Variants in ENTPD5 observed in about 807,000 individuals in gnomAD.
ENTPD5 encodes ectonucleoside triphosphate diphosphohydrolase 5 (inactive), also known as nucleoside diphosphate phosphatase ENTPD5.
ENTPD5 carries 49 observed loss-of-function variants against 60.2 expected under a neutral mutation model. The ratio of observed to expected loss-of-function variants is 0.81; its 90% CI spans 0.65 to 1.03. ENTPD5 has a LOEUF of 1.03. Among genes scored for constraint, ENTPD5 ranks in the 50% least tolerant of loss-of-function variants. ENTPD5 has a pLI of 0.00. For synonymous variants in ENTPD5, 187 were observed against 185.4 expected (o/e 1.01, Z -0.07); for missense variants, 480 against 507.6 (o/e 0.95, Z 0.52).
rs8023037 is a variant in ENTPD5 at position 74,012,266 on chromosome 14, G to A, written c.-130-1116C>T. Among the ~76,000 whole-genome samples, 349 of 148,334 alleles carry A rather than the reference G, an allele frequency of 2.4e-3. 2 individuals carry two copies. Among genetic ancestry groups the A allele is most frequent in the African/African-American group, 8.1e-3 (325 of 40,262 alleles). On this transcript the variant is annotated intron_variant, in intron 2 of 15. Coordinates refer to ENST00000334696, the MANE Select transcript of ENTPD5 (RefSeq NM_001249.5). ...ATTACACGTGCCCACCACCATCCCC[G>A]GCTAATTTTTTATTTTTAGTAGAGA...
chr14:74,008,428 G>A (rs1470709072), intron 3 of ENTPD5, among the ~76,000 whole-genome samples: 3 of 143,390 alleles, frequency 2.1e-5, no homozygotes, highest in African/African-American at 2.6e-5. Flanking sequence ...TCGCTCTGTC[G>A]CCCAGGCTGG....
intron 1 of ENTPD5, among the ~76,000 whole-genome samples, chr14:74,017,112 A>T (rs1385481404): frequency 6.6e-6 from 1 of 152,220 alleles, no homozygotes; most frequent in Admixed American, 6.5e-5. Flanking sequence ...TGAGGTTGGA[A>T]GTTCGAGACT....
At chr14:73,990,522 T>A (rs2058088774) in intron 3 of ENTPD5, among the ~76,000 whole-genome samples, 1 of 151,712 alleles carries the variant, frequency 6.6e-6, no homozygotes, top group Non-Finnish European at 1.5e-5. Context: ...TTGGTAGAGA[T>A]GGGGTTCTGC....
chr14:73,961,722 TC>T, downstream of ENTPD5: 1 of 1,614,076 alleles, frequency 6.2e-7, no homozygotes, highest in Non-Finnish European at 8.5e-7. Context: ...ATTTAATCTT[TC>T]CTCTGCCCTT....
chr14:73,970,375 C>T (rs907939722), intron 14 of ENTPD5, among the ~76,000 whole-genome samples: 1 of 152,002 alleles, frequency 6.6e-6, no homozygotes, highest in South Asian at 2.1e-4. Context: ...CGCTGTAATC[C>T]CAGCTACTCG....
Position 73,976,414 on chromosome 14 carries a change from T to C in ENTPD5, c.554-2A>G. On this transcript the variant is annotated splice_acceptor_variant, in intron 8 of 15. Coordinates refer to ENST00000334696, the MANE Select transcript of ENTPD5 (RefSeq NM_001249.5). LOFTEE classifies it high-confidence loss of function. ...CCTGTCTGTGGCCATGCAGCTGACCTGTCAAATGAGAGCCAGCTCTAAATA... is the reference window on the plus strand; with the variant it reads ...CCTGTCTGTGGCCATGCAGCTGACCCGTCAAATGAGAGCCAGCTCTAAATA... 1 of 1,613,682 alleles carries C rather than the reference T, an allele frequency of 6.2e-7. No homozygotes were observed. Among genetic ancestry groups the C allele is most frequent in the Non-Finnish European group, 8.5e-7 (1 of 1,179,596 alleles).
At chr14:73,986,087 A>AG (rs2057893823) in intron 5 of ENTPD5, 1 of 150,362 alleles carries the variant, frequency 6.7e-6, no homozygotes, top group Admixed American at 6.6e-5. Flanking sequence ...AAAAAAAAAA[A>AG]GAAAAAGAAG....
intron 4 of ENTPD5, among the ~76,000 whole-genome samples, chr14:73,987,399 G>A (rs2057946673): frequency 6.6e-6 from 1 of 152,148 alleles, no homozygotes; most frequent in African/African-American, 2.4e-5. Context: ...TAAACCATGT[G>A]TTCTGGCCAA....
At chr14:73,955,532 T>A, downstream of ENTPD5, 1 of 1,609,370 alleles carries the variant, frequency 6.2e-7, no homozygotes, top group Non-Finnish European at 8.5e-7. Context: ...CTTTTCAATT[T>A]TGTCAAGATG....
chr14:73,955,522 CT>C, downstream of ENTPD5: 1 of 1,613,112 alleles, frequency 6.2e-7, no homozygotes, highest in Non-Finnish European at 8.5e-7. Flanking sequence ...GCCCCTTTAT[CT>C]TTTCAATTTT....
At chr14:73,976,273 T>C (rs767338010) in intron 9 of ENTPD5, 51 bp downstream of exon 9, 2 of 1,515,142 alleles carry the variant, frequency 1.3e-6, no homozygotes, top group Non-Finnish European at 1.8e-6. Flanking sequence ...CTTGGCACCA[T>C]GATACGCCTG....
chr14:74,004,042 C>G (rs1257637768), intron 3 of ENTPD5, among the ~76,000 whole-genome samples: 1 of 152,116 alleles, frequency 6.6e-6, no homozygotes, highest in Non-Finnish European at 1.5e-5. Context: ...GAGTTCGAAG[C>G]TGCAGTGAGC....
Position 73,963,583 on chromosome 14 carries a change from C to T in ENTPD5, c.*3345G>A, listed in dbSNP as rs146784065. 379 of 156,170 alleles carry T rather than the reference C, an allele frequency of 2.4e-3. 1 individual carries two copies. The highest frequency in any genetic ancestry group is 6.6e-3 in the Admixed American group (104 of 15,642). 9.7% of individuals were successfully genotyped at this position (156,170 alleles called of 1,614,324 possible). On this transcript the variant is annotated 3_prime_UTR_variant, in exon 16 of 16. Transcript: ENST00000334696. ...TGGTTCCTCTCTGGGACACCACTGT[C>T]GGTTTAATAAAACAATAAATAATTC...
In ENTPD5 at chr14:73,983,698, T is replaced by G. The variant is rs1047448085; in HGVS notation, c.298-537A>C. On this transcript the variant is annotated intron_variant, in intron 5 of 15. Transcript: ENST00000334696. ...AAAATTATTATTATTATTATTATTT[T>G]TTTTGGGACATTCTTGCTCTGTCAC... Among the ~76,000 whole-genome samples, 15 of 131,874 alleles carry G rather than the reference T, an allele frequency of 1.1e-4. 1 individual carries two copies. The highest frequency in any genetic ancestry group is 1.1e-3 in the Admixed American group (15 of 13,978). 86.5% of individuals were successfully genotyped at this position (131,874 alleles called of 152,430 possible).
At chr14:73,984,747 G>A (rs1375846075) in intron 5 of ENTPD5, among the ~76,000 whole-genome samples, 1 of 150,740 alleles carries the variant, frequency 6.6e-6, no homozygotes, top group Non-Finnish European at 1.5e-5. Context: ...CCCTGACCCT[G>A]GTATTTTTTT....
At chr14:73,986,489 C>T (rs1167851972) in intron 5 of ENTPD5, 1 of 249,380 alleles carries the variant, frequency 4.0e-6, no homozygotes, top group Admixed American at 4.9e-5. Context: ...TACAGAACTT[C>T]ATGTTTATCT....
chr14:73,962,823 G>A (rs1466044781), downstream of ENTPD5: 15 of 672,164 alleles, frequency 2.2e-5, no homozygotes, highest in Non-Finnish European at 3.2e-5. Flanking sequence ...TCTCTAAAAC[G>A]TGTGTATATG....
At chr14:74,001,701 A>AAAAAAAG in intron 3 of ENTPD5, among the ~76,000 whole-genome samples, 1 of 120,692 alleles carries the variant, frequency 8.3e-6, no homozygotes, top group African/African-American at 3.1e-5. Flanking sequence ...AAAAAAAAAA[A>AAAAAAAG]GCCAGGCATG....
chr14:73,976,965 C>T (rs2057469209), intron 8 of ENTPD5, 59 bp downstream of exon 8: 1 of 1,381,690 alleles, frequency 7.2e-7, no homozygotes, highest in Non-Finnish European at 1.0e-6. Context: ...GCTTTTACTC[C>T]TCTGACTATG....
Sources: gnomAD v4.1 joint callset for allele counts (sites outside exome capture counted in the v4.1 genomes callset) on GRCh38, gnomAD v4.1.1 for gene constraint, MANE v1.5 for transcripts, NCBI Gene and HGNC (gene_info 2026-07-23, HGNC 2026-07-21) for gene names.